CRB1: variants seen among roughly 807,000 people sequenced by gnomAD.
CRB1 encodes the protein crumbs cell polarity complex component 1, also known as protein crumbs homolog 1.
In CRB1, 83 loss-of-function variants were observed where a neutral mutation model predicts 120.0. The observed-to-expected ratio is 0.69, with a 90% CI of 0.58 to 0.83. CRB1 has a LOEUF of 0.83. CRB1 is among the 40% of genes least tolerant of loss of function. The pLI, the probability that CRB1 is intolerant of heterozygous loss-of-function variation, is 0.00. For synonymous variants in CRB1, 625 were observed against 612.5 expected (o/e 1.02, Z -0.30); for missense variants, 1,699 against 1,687.6 (o/e 1.01, Z -0.12).
At chr1:197,394,800 A>G (rs1384088380) in intron 5 of CRB1, among the ~76,000 whole-genome samples, 1 of 152,026 alleles carries the variant, frequency 6.6e-6, no homozygotes, top group Non-Finnish European at 1.5e-5. Context: ...CCAGATGTGG[A>G]GATAACATTT....
intron 5 of CRB1, among the ~76,000 whole-genome samples, chr1:197,403,993 A>G (rs1046345196): frequency 2.0e-5 from 3 of 152,188 alleles, no homozygotes; most frequent in African/African-American, 7.2e-5. Context: ...TAATAATACT[A>G]AACTGTACTA....
intron 5 of CRB1, among the ~76,000 whole-genome samples, chr1:197,373,432 G>T (rs79945997): frequency 6.4e-4 from 98 of 152,192 alleles, no homozygotes; most frequent in Admixed American, 9.8e-4. Context: ...TACAAATCAG[G>T]CTGACATGAG....
chr1:197,477,956 C>A lies in CRB1; in HGVS notation c.*77C>A. ...TGTACTTCAGGTATCTCTGACATAC[C>A]TGACAATGTTAATCTGCAACTGGGA... On this transcript the variant is annotated 3_prime_UTR_variant, in exon 12 of 12. Transcript: ENST00000367400. The A allele has an allele frequency of 7.2e-7, 1 of 1,385,206 alleles. No homozygotes were observed. The highest frequency in any genetic ancestry group is 1.0e-6 in the Non-Finnish European group (1 of 973,038). The allele number at this position is 1,385,206 out of a possible 1,614,324, so 85.8% of individuals were successfully genotyped here. A position where few individuals can be genotyped will look rare whatever the true frequency, so the allele number is the denominator to read the frequency against.
At chr1:197,475,957 T>A (rs1056366276) in intron 11 of CRB1, among the ~76,000 whole-genome samples, 1 of 152,152 alleles carries the variant, frequency 6.6e-6, no homozygotes, top group African/African-American at 2.4e-5. Flanking sequence ...TCACCCAGGG[T>A]GGAGTGCAGT....
At chr1:197,226,522 C>T in the CRB1 span, among the ~76,000 whole-genome samples, 12 of 152,098 alleles carry the variant, frequency 7.9e-5, no homozygotes, top group Non-Finnish European at 1.2e-4. Context: ...CCCTGCCACC[C>T]ATCTGTTGAA....
chr1:197,348,679 T>G (rs1312527915), intron 4 of CRB1, among the ~76,000 whole-genome samples: 2 of 152,020 alleles, frequency 1.3e-5, no homozygotes, highest in South Asian at 2.1e-4. Flanking sequence ...GGTTTCACTG[T>G]GTTAGCCAGG....
intron 1 of CRB1, among the ~76,000 whole-genome samples, chr1:197,314,411 T>C (rs1028476468): frequency 4.6e-5 from 7 of 152,182 alleles, no homozygotes; most frequent in African/African-American, 1.7e-4. Context: ...TTTCTCATTG[T>C]TTACTCATAT....
chr1:197,295,985 T>TCTC (rs2125245799), intron 1 of CRB1, among the ~76,000 whole-genome samples: 1 of 151,526 alleles, frequency 6.6e-6, no homozygotes, highest in South Asian at 2.1e-4. Flanking sequence ...AAAAAAAATT[T>TCTC]AAGACAAAGT....
chr1:197,303,570 T>A lies in CRB1; in HGVS notation c.71-24852T>A, dbSNP rs549636382. Among the ~76,000 whole-genome samples the A allele has an allele frequency of 1.3e-3, 204 of 152,004 alleles. 1 individual carries two copies. The highest frequency in any genetic ancestry group is 2.4e-3 in the Non-Finnish European group (164 of 67,974). On this transcript the variant is annotated intron_variant, in intron 1 of 11. Coordinates refer to ENST00000367400, the MANE Select transcript of CRB1 (RefSeq NM_201253.3). ...ATCTAGCTTTACTCTCCCCAACAAG[T>A]CTATTAAGTGTCAAGTCATCTCAAA...
At chr1:197,302,002 TTGAGAGGA>T (rs1656892072) in intron 1 of CRB1, among the ~76,000 whole-genome samples, 1 of 152,178 alleles carries the variant, frequency 6.6e-6, no homozygotes. Flanking sequence ...GCAATGAGGT[TTGAGAGGA>T]TTGACTCCAA....
chr1:197,250,082 T>G, the CRB1 span, among the ~76,000 whole-genome samples: 2 of 152,034 alleles, frequency 1.3e-5, no homozygotes, highest in Admixed American at 6.6e-5. Context: ...ATATTTTTTC[T>G]TTATAGTGTT....
intron 5 of CRB1, among the ~76,000 whole-genome samples, chr1:197,361,525 G>T (rs73071645): frequency 6.6e-6 from 1 of 151,824 alleles, no homozygotes. Context: ...TCGTTGGATG[G>T]AGTATTTCTA....
intron 5 of CRB1, among the ~76,000 whole-genome samples, chr1:197,401,534 A>G (rs1223220996): frequency 2.0e-5 from 3 of 152,146 alleles, no homozygotes; most frequent in Non-Finnish European, 4.4e-5. Flanking sequence ...CATTTTGGAA[A>G]TTTATTTTTG....
the CRB1 span, among the ~76,000 whole-genome samples, chr1:197,262,587 G>T: frequency 6.6e-6 from 1 of 152,030 alleles, no homozygotes; most frequent in South Asian, 2.1e-4. Context: ...TGTTACATGG[G>T]TATATTGTGT....
chr1:197,379,640 A>G (rs1025713244), intron 5 of CRB1, among the ~76,000 whole-genome samples: 2 of 146,184 alleles, frequency 1.4e-5, no homozygotes, highest in African/African-American at 2.6e-5. Flanking sequence ...CCATTTTTCT[A>G]GCTCATTCAG....
chr1:197,257,181 A>G, the CRB1 span, among the ~76,000 whole-genome samples: 1 of 152,080 alleles, frequency 6.6e-6, no homozygotes, highest in East Asian at 1.9e-4. Flanking sequence ...CCTAAGAACT[A>G]ATGTCTGAGG....
intron 5 of CRB1, among the ~76,000 whole-genome samples, chr1:197,412,870 G>A (rs967909189): frequency 3.9e-5 from 6 of 152,204 alleles, no homozygotes; most frequent in East Asian, 3.9e-4. Flanking sequence ...TGCATCACAC[G>A]TTTTCTGCCT....
chr1:197,352,868 CACATT>C (rs1443073463), intron 4 of CRB1, among the ~76,000 whole-genome samples: 1 of 152,082 alleles, frequency 6.6e-6, no homozygotes, highest in Non-Finnish European at 1.5e-5. Context: ...AATGAGCAAA[CACATT>C]ACAATCTCAT....
chr1:197,371,409 T>C (rs1448815903), intron 5 of CRB1, among the ~76,000 whole-genome samples: 1 of 152,152 alleles, frequency 6.6e-6, no homozygotes, highest in African/African-American at 2.4e-5. Context: ...TCTAGAGCTC[T>C]ACTTCCCAAG....
Sources: allele counts gnomAD v4.1 joint callset (sites outside exome capture counted in the v4.1 genomes callset), GRCh38; gene constraint gnomAD v4.1.1; transcripts MANE v1.5; gene names NCBI Gene and HGNC (gene_info 2026-07-23, HGNC 2026-07-21).